The following ZNF597 variants were observed in gnomAD, a reference collection of about 807,000 sequenced individuals.
ZNF597 encodes the protein zinc finger protein 597.
Under a neutral mutation model 7.3 loss-of-function variants are expected in ZNF597, and 5 were observed. The ratio of observed to expected loss-of-function variants is 0.68; its 90% CI spans 0.36 to 1.44. The LOEUF is 1.44. ZNF597 is among the 40% of genes most tolerant of loss of function. The pLI, the probability that ZNF597 is intolerant of heterozygous loss-of-function variation, is 0.04. For missense variants in ZNF597, 585 were observed against 517.9 expected, an observed-to-expected ratio of 1.13 and a Z score of -1.26; for synonymous variants, 209 against 185.4, an observed-to-expected ratio of 1.13 and a Z score of -1.04.
At chr16:3,440,506 C>G (rs1001469987) in intron 3 of ZNF597, among the ~76,000 whole-genome samples, 1 of 152,000 alleles carries the variant, frequency 6.6e-6, no homozygotes. Flanking sequence ...TGGTGGCAGG[C>G]GGCTGTAGTC....
At chr16:3,437,796 C>T (rs2034321373) in intron 3 of ZNF597, among the ~76,000 whole-genome samples, 1 of 152,142 alleles carries the variant, frequency 6.6e-6, no homozygotes, top group Admixed American at 6.5e-5. Flanking sequence ...GTACTAAGGA[C>T]AATCTCAGTA....
chr16:3,440,673 TCACA>T, intron 3 of ZNF597, 130 bp downstream of exon 3: 1 of 1,175,888 alleles, frequency 8.5e-7, no homozygotes, highest in South Asian at 1.5e-5. Flanking sequence ...ACTTTTTCTC[TCACA>T]CAATTATCAC....
intron 2 of ZNF597, among the ~76,000 whole-genome samples, chr16:3,442,674 CAAAA>C (rs60660497): frequency 1.1e-4 from 15 of 135,304 alleles, no homozygotes; most frequent in Admixed American, 2.2e-4. Flanking sequence ...GACTCTGTAT[CAAAA>C]AAAAAAAAAA....
rs1280241219 is a variant in ZNF597, at chr16:3,436,849, C to A, written c.850G>T (p.Ala284Ser). ...DKHFNEKPNLALPEETFVSGP... is the reference protein window; with the variant it reads ...DKHFNEKPNLSLPEETFVSGP... The stretch of plus-strand genomic sequence containing the variant: ...GATACGAATGTTTCCTCAGGCAAAG[C>A]AAGATTTGGTTTCTCATTAAAATGT... The change falls in exon 4 of 4, where the codon GCT becomes TCT. Residue 284 changes from alanine (A) to serine (S), a missense_variant. Physicochemically the swap from Ala to Ser is moderately conservative, Grantham distance 99. Coordinates refer to ENST00000301744, the MANE Select transcript of ZNF597 (RefSeq NM_152457.3). 6.2e-7 allele frequency: 1 copy of A among 1,614,070 alleles called. No individual in the cohort carries two copies.
At chr16:3,440,725 CA>C in intron 3 of ZNF597, 81 bp downstream of exon 3, 1 of 1,554,470 alleles carries the variant, frequency 6.4e-7, no homozygotes, top group African/African-American at 1.4e-5. Context: ...CCCACTCCAC[CA>C]TACCAACATC....
In ZNF597 at chr16:3,436,406, C is replaced by T; in HGVS notation, c.*18G>A. ...TACTGAAAAGCCCAATCACTAATAA[C>T]AATTTGTTATATTTACTTTACGTGG... On this transcript the variant is annotated 3_prime_UTR_variant, in exon 4 of 4. Transcript: ENST00000301744. The T allele has an allele frequency of 6.2e-7, 1 of 1,606,240 alleles. No homozygotes were observed. The highest frequency in any genetic ancestry group is 8.5e-7 in the Non-Finnish European group (1 of 1,175,648).
Position 3,436,532 on chromosome 16 carries a change from C to T in ZNF597, c.1167G>A (p.Lys389=). The change falls in exon 4 of 4, where the codon AAG becomes AAA. Residue 389 remains lysine (K), a synonymous_variant. Coordinates refer to ENST00000301744, the MANE Select transcript of ZNF597 (RefSeq NM_152457.3). ...ALDSELACHQ[K]SHMLAEPFKC... Reference sequence around the variant, plus strand: ...TAAAAGGTTCCGCTAGCATGTGGCTCTTCTGGTGGCATGCAAGTTCTGAGT... The same window carrying T: ...TAAAAGGTTCCGCTAGCATGTGGCTTTTCTGGTGGCATGCAAGTTCTGAGT... The T allele has an allele frequency of 3.1e-6, 5 of 1,614,144 alleles. No homozygotes were observed. The highest frequency in any genetic ancestry group is 4.2e-6 in the Non-Finnish European group (5 of 1,179,998).
In ZNF597 at chr16:3,440,882, C is replaced by G. The variant is rs1004127254; in HGVS notation, c.85G>C (p.Val29Leu). 11 of 1,614,014 alleles carry G rather than the reference C, an allele frequency of 6.8e-6. No homozygotes were observed. Among genetic ancestry groups the G allele is most frequent in the Non-Finnish European group, 8.5e-6 (10 of 1,179,948 alleles). ...LAVYFSQEEC[V>L]TLHPAQRSLS... ...GACCTCTGGGCAGGGTGCAGAGTCACGCACTCCTCTTGAGAAAAATACACA... is the reference window on the plus strand; with the variant it reads ...GACCTCTGGGCAGGGTGCAGAGTCAGGCACTCCTCTTGAGAAAAATACACA... The change falls in exon 3 of 4, where the codon GTG becomes CTG. Residue 29 changes from valine (V) to leucine (L), a missense_variant. Transcript: ENST00000301744.
rs769478730 is a variant in ZNF597, at chr16:3,436,854, T to C, written c.845A>G (p.Asn282Ser). Residue 282 changes from asparagine (N) to serine (S), a missense_variant, in exon 4 of 4, where the codon AAT (asparagine) becomes AGT (serine). By Grantham distance (46) the Asn-to-Ser change is conservative. Transcript: ENST00000301744. ...NCDKHFNEKP[N>S]LALPEETFVS... ...GAATGTTTCCTCAGGCAAAGCAAGA[T>C]TTGGTTTCTCATTAAAATGTTTATC... 12 of 1,614,100 alleles carry C rather than the reference T, an allele frequency of 7.4e-6. No individual in the cohort carries two copies. The South Asian group carries it at 1.3e-4, about 18-fold the overall frequency.
intron 2 of ZNF597, among the ~76,000 whole-genome samples, chr16:3,441,850 T>C (rs1311785201): frequency 6.6e-6 from 1 of 150,672 alleles, no homozygotes. Context: ...TGTGGTGGCA[T>C]GCGCCTGTAG....
chr16:3,441,694 G>C (rs1259669741), intron 2 of ZNF597, among the ~76,000 whole-genome samples: 1 of 151,920 alleles, frequency 6.6e-6, no homozygotes, highest in African/African-American at 2.4e-5. Flanking sequence ...CTCAAGCAGA[G>C]CTTGCAGTGA....
At position 3,437,406 on chromosome 16, in the gene ZNF597, A is replaced by G. The variant is rs1596266812; in HGVS notation, c.293T>C (p.Val98Ala). ...PYPEKSSEDG[V>A]GNPEAKILSG... is the part of the protein sequence containing the mutation. ...TAATATTTTCGCTTCAGGGTTTCCA[A>G]CTCCATCCTCAGAGGATTTTTCTGG... Residue 98 changes from valine (V) to alanine (A), a missense_variant, in exon 4 of 4, where the codon GTT becomes GCT. By Grantham distance (64) the Val-to-Ala change is moderately conservative (BLOSUM62 0). Coordinates refer to ENST00000301744, the MANE Select transcript of ZNF597 (RefSeq NM_152457.3). 7 of 1,613,938 alleles carry G rather than the reference A, an allele frequency of 4.3e-6. No individual in the cohort carries two copies. The highest frequency in any genetic ancestry group is 5.1e-6 in the Non-Finnish European group (6 of 1,179,978).
chr16:3,440,735 T>G (rs2034358089), intron 3 of ZNF597, 72 bp downstream of exon 3: 6 of 1,582,056 alleles, frequency 3.8e-6, no homozygotes, highest in Admixed American at 1.8e-5. Context: ...CATACCAACA[T>G]CTGGATAAAG....
chr16:3,443,006 G>A, intron 2 of ZNF597, 115 bp downstream of exon 2: 2 of 1,252,532 alleles, frequency 1.6e-6, no homozygotes, highest in South Asian at 2.4e-5. Context: ...AGGGCTATTT[G>A]GGGCTCAGGA....
In ZNF597 at chr16:3,443,146, G is replaced by T. The variant is rs1221316620; in HGVS notation, c.8C>A (p.Ser3Tyr). 3.1e-6 allele frequency: 5 copies of T among 1,613,318 alleles called. No individual in the cohort carries two copies. Among genetic ancestry groups the T allele is most frequent in the Non-Finnish European group, 4.2e-6 (5 of 1,179,714 alleles). The change falls in exon 2 of 4, where the codon TCC (serine) becomes TAC (tyrosine). Residue 3 changes from serine (S) to tyrosine (Y), a missense_variant. Ser to Tyr is a moderately radical substitution (Grantham distance 144). Coordinates refer to ENST00000301744, the MANE Select transcript of ZNF597 (RefSeq NM_152457.3). ...CTGGGCCTCGGGCGTCGGGGGCATG[G>T]ACGCCATTTGGCGGGTGGGGAATGC... MA[S>Y]MPPTPEAQGP...
intron 3 of ZNF597, among the ~76,000 whole-genome samples, chr16:3,439,772 T>C (rs1353293870): frequency 6.6e-6 from 1 of 151,730 alleles, no homozygotes; most frequent in Admixed American, 6.6e-5. Flanking sequence ...CGACCAAAAT[T>C]TACCCAGGAA....
rs994640747 is a variant in ZNF597, at chr16:3,433,289, C to T, written c.*3135G>A. 6 of 152,246 alleles carry T rather than the reference C, an allele frequency of 3.9e-5. No individual in the cohort carries two copies. The East Asian group carries it at 7.7e-4, about 20-fold the overall frequency. The allele number at this position is 152,246 out of a possible 1,614,324, so 9.4% of individuals were successfully genotyped here. A position where few individuals can be genotyped will look rare whatever the true frequency, so the allele number is the denominator to read the frequency against. On this transcript the variant is annotated 3_prime_UTR_variant, in exon 4 of 4. Transcript: ENST00000301744. ...ATGTAAACTGCTGACATCTGAATTC[C>T]ATTGGAAAAATGCTGTTTTCATCAA...
chr16:3,436,384 T>C lies in ZNF597; in HGVS notation c.*40A>G. 2 of 1,583,576 alleles carry C rather than the reference T, an allele frequency of 1.3e-6. No homozygotes were observed. The highest frequency in any genetic ancestry group is 8.6e-7 in the Non-Finnish European group (1 of 1,163,222). ...TAACTGCTTCCCACCATACAGATAC[T>C]GAAAAGCCCAATCACTAATAACAAT... On this transcript the variant is annotated 3_prime_UTR_variant, in exon 4 of 4. Transcript: ENST00000301744.
Position 3,436,829 on chromosome 16 carries a change from G to T in ZNF597, c.870C>A (p.Phe290Leu), listed in dbSNP as rs74322708. The T allele has an allele frequency of 3.8e-4, 620 of 1,613,814 alleles. 3 individuals are homozygous for T. In the African/African-American group the frequency reaches 4.4e-3, roughly 11 times the overall value. ...KPNLALPEET[F>L]VSGPQYQHTK... is the part of the protein sequence containing the mutation. ...TGTGCTGGTACTGGGGGCCTGATAC[G>T]AATGTTTCCTCAGGCAAAGCAAGAT... Residue 290 changes from phenylalanine (F) to leucine (L), a missense_variant, in exon 4 of 4, where the codon TTC (phenylalanine) becomes TTA (leucine). By Grantham distance (22) the Phe-to-Leu change is conservative. Transcript: ENST00000301744.
Sources: allele counts gnomAD v4.1 joint callset (sites outside exome capture counted in the v4.1 genomes callset), GRCh38; gene constraint gnomAD v4.1.1; transcripts MANE v1.5; gene names NCBI Gene and HGNC (gene_info 2026-07-23, HGNC 2026-07-21).